DMXL1: variants seen among roughly 807,000 people sequenced by gnomAD.
DMXL1 encodes dmX-like protein 1.
DMXL1 carries 99 observed loss-of-function variants against 319.2 expected under a neutral mutation model. The ratio of observed to expected loss-of-function variants is 0.31; its 90% CI spans 0.26 to 0.37. DMXL1 has a LOEUF of 0.37. Ranked by LOEUF, DMXL1 falls within the 10% of genes least tolerant of loss-of-function variation. The pLI, the probability that DMXL1 is intolerant of heterozygous loss-of-function variation, is 1.00. For synonymous variants in DMXL1, 1,385 were observed against 1,235.2 expected, an observed-to-expected ratio of 1.12 and a Z score of -2.54; for missense variants, 3,745 against 3,595.6, an observed-to-expected ratio of 1.04 and a Z score of -1.06.
At chr5:119,168,055 T>C (rs1476128392) in intron 23 of DMXL1, among the ~76,000 whole-genome samples, 191 bp downstream of exon 23, 1 of 152,240 alleles carries the variant, frequency 6.6e-6, no homozygotes, top group Non-Finnish European at 1.5e-5. Context: ...ACGTTGGATT[T>C]TCTGTTTTTA....
intron 43 of DMXL1, among the ~76,000 whole-genome samples, chr5:119,245,442 A>AAT (rs1005617049): frequency 9.9e-5 from 15 of 152,236 alleles, no homozygotes; most frequent in African/African-American, 2.6e-4. Context: ...CTTAAAATCA[A>AAT]ATATATATAT....
intron 26 of DMXL1, among the ~76,000 whole-genome samples, chr5:119,176,137 A>G (rs1775761088): frequency 6.6e-6 from 1 of 152,016 alleles, no homozygotes. Context: ...AAGAATTTAT[A>G]TTTTAGAAAT....
At chr5:119,193,666 G>A (rs1779098589) in intron 29 of DMXL1, among the ~76,000 whole-genome samples, 162 bp from the exon 30 acceptor site, 1 of 152,250 alleles carries the variant, frequency 6.6e-6, no homozygotes, top group East Asian at 1.9e-4. Flanking sequence ...TAATGGAATA[G>A]TATCAATTGA....
chr5:119,231,923 A>G (rs1288416945), intron 38 of DMXL1, among the ~76,000 whole-genome samples: 1 of 152,164 alleles, frequency 6.6e-6, no homozygotes, highest in Non-Finnish European at 1.5e-5. Context: ...ATAGGCATGC[A>G]AGGCCCTGGA....
At chr5:119,098,694 T>G (rs185879011) in intron 2 of DMXL1, among the ~76,000 whole-genome samples, 2 of 152,332 alleles carry the variant, frequency 1.3e-5, no homozygotes, top group East Asian at 3.9e-4. Context: ...TAGATCAGGT[T>G]AAATACAGTT....
rs1319078657 is a variant in DMXL1, at chr5:119,149,714, A to G, written c.3887A>G (p.Lys1296Arg). ...AGTCTTGCACAGAAAATCTGTGGAA[A>G]GAAAACTGCATTCGATCCTTCAGTG... ...MTSLAQKICG[K>R]KTAFDPSVDM... The change falls in exon 18 of 44, where the codon AAG becomes AGG. Residue 1296 changes from lysine to arginine, a missense_variant. Transcript: ENST00000539542. 1 of 1,613,936 alleles carries G rather than the reference A, an allele frequency of 6.2e-7. No homozygotes were observed. The highest frequency in any genetic ancestry group is 8.5e-7 in the Non-Finnish European group (1 of 1,179,960).
intron 34 of DMXL1, 34 bp from the exon 35 acceptor site, chr5:119,216,866 CA>C: frequency 8.8e-7 from 1 of 1,135,024 alleles, no homozygotes; most frequent in South Asian, 1.3e-5. Context: ...TTACTAAAAT[CA>C]GTGCATTTTT....
At chr5:119,177,719 T>C (rs1460608789) in intron 27 of DMXL1, among the ~76,000 whole-genome samples, 1 of 152,132 alleles carries the variant, frequency 6.6e-6, no homozygotes, top group Non-Finnish European at 1.5e-5. Flanking sequence ...TCATTTTGCT[T>C]TTGACATACT....
chr5:119,170,246 A>T lies in DMXL1; in HGVS notation c.5455A>T (p.Thr1819Ser). ...TVFNFYNYLR[T>S]HPLLLRRHFG... ...TTTTAATTTCTACAATTATCTAAGA[A>T]CACATCCTCTTTTGCTGAGACGTCA... is the stretch of plus-strand genomic sequence containing the variant. The change falls in exon 24 of 44, where the codon ACA (threonine) becomes TCA (serine). Residue 1819 changes from threonine to serine, a missense_variant. Physicochemically the swap from Thr to Ser is moderately conservative, Grantham distance 58. Around this residue, in one of 4 missense-constraint regions of DMXL1, gnomAD observed 1,382 missense variants for 1,269.5 expected, o/e 1.09. Transcript: ENST00000539542. The T allele has an allele frequency of 6.2e-7, 1 of 1,613,028 alleles. No individual in the cohort carries two copies. Among genetic ancestry groups the T allele is most frequent in the Non-Finnish European group, 8.5e-7 (1 of 1,179,668 alleles).
At chr5:119,119,296 C>G (rs1352310019) in intron 8 of DMXL1, among the ~76,000 whole-genome samples, 2 of 152,124 alleles carry the variant, frequency 1.3e-5, no homozygotes, top group African/African-American at 4.8e-5. Context: ...AGATTTAACT[C>G]TGAAAATAAC....
In DMXL1 at chr5:119,173,776, G is replaced by GTATATA. The variant is rs758312462; in HGVS notation, c.6682-1468_6682-1463dup. ...TGTGTATATATATATATGTGTGTGTGTATATATATATATATATATATAATG... is the reference window on the plus strand; with the variant it reads ...TGTGTATATATATATATGTGTGTGTGTATATATATATATATATATATATATATAATG... On this transcript the variant is annotated intron_variant, in intron 25 of 43. Coordinates refer to ENST00000539542, the MANE Select transcript of DMXL1 (RefSeq NM_001290321.3). Among the ~76,000 whole-genome samples, 1,262 of 67,160 alleles carry GTATATA rather than the reference G, an allele frequency of 0.019. 204 individuals carry two copies. The East Asian group carries it at 0.28, about 15-fold the overall frequency. 44.1% of individuals were successfully genotyped at this position (67,160 alleles called of 152,430 possible).
At position 119,247,186 on chromosome 5, in the gene DMXL1, A is replaced by C. The variant is rs892451601; in HGVS notation, c.9114A>C (p.Glu3038Asp). ...CAGATCAGTTTAGCCCTTTAAATGAAGTGTTGAAAAATGATGTGAAATTTA... is the reference window on the plus strand; with the variant it reads ...CAGATCAGTTTAGCCCTTTAAATGACGTGTTGAAAAATGATGTGAAATTTA... ...ILPDQFSPLN[E>D]VLKNDVKFML is the part of the protein sequence containing the mutation. The change falls in exon 44 of 44, where the codon GAA becomes GAC. Residue 3038 changes from glutamate to aspartate, a missense_variant. Physicochemically the swap from Glu to Asp is conservative, Grantham distance 45 (BLOSUM62 2). Coordinates refer to ENST00000539542, the MANE Select transcript of DMXL1 (RefSeq NM_001290321.3). 21 of 1,613,486 alleles carry C rather than the reference A, an allele frequency of 1.3e-5. No homozygotes were observed. The highest frequency in any genetic ancestry group is 1.7e-5 in the Non-Finnish European group (20 of 1,179,714).
chr5:119,072,468 C>G (rs756405549), intron 1 of DMXL1, among the ~76,000 whole-genome samples: 2 of 151,712 alleles, frequency 1.3e-5, no homozygotes, highest in Non-Finnish European at 2.9e-5. Context: ...GTGTAGATAC[C>G]TCTTTAGTTG....
chr5:119,076,328 T>C (rs1750856008), intron 1 of DMXL1, among the ~76,000 whole-genome samples: 1 of 152,200 alleles, frequency 6.6e-6, no homozygotes, highest in African/African-American at 2.4e-5. Flanking sequence ...AGTTTAGCTC[T>C]GTTTTGTTTA....
chr5:119,220,910 G>T, intron 36 of DMXL1, 30 bp from the exon 37 acceptor site: 1 of 1,603,312 alleles, frequency 6.2e-7, no homozygotes, highest in Non-Finnish European at 8.5e-7. Context: ...ATGATGAGTT[G>T]TTTTTATTCT....
At chr5:119,097,404 G>T (rs1756211560) in intron 1 of DMXL1, among the ~76,000 whole-genome samples, 1 of 152,166 alleles carries the variant, frequency 6.6e-6, no homozygotes, top group Admixed American at 6.5e-5. Flanking sequence ...TTTAGACAAG[G>T]GTGGTAGCAT....
chr5:119,176,844 G>T (rs777962719), intron 26 of DMXL1, among the ~76,000 whole-genome samples: 1 of 152,000 alleles, frequency 6.6e-6, no homozygotes, highest in Non-Finnish European at 1.5e-5. Context: ...CAAATTGTGT[G>T]AAATACTCCT....
intron 10 of DMXL1, among the ~76,000 whole-genome samples, chr5:119,130,529 G>A (rs550216427): frequency 1.3e-5 from 2 of 152,184 alleles, no homozygotes; most frequent in East Asian, 1.9e-4. Context: ...TTTTAGTCAA[G>A]ACAGGGTTTC....
chr5:119,152,591 A>G (rs553818541), intron 19 of DMXL1, among the ~76,000 whole-genome samples: 1 of 152,344 alleles, frequency 6.6e-6, no homozygotes, highest in African/African-American at 2.4e-5. Context: ...ACTTTGAACT[A>G]TCTTAGACTT....
Sources: gnomAD v4.1 joint callset for allele counts (sites outside exome capture counted in the v4.1 genomes callset) on GRCh38, gnomAD v4.1.1 for gene constraint, gnomAD v4.1.1 regional missense constraint, MANE v1.5 for transcripts, NCBI Gene and HGNC (gene_info 2026-07-23, HGNC 2026-07-21) for gene names.